The following POR variants were observed in gnomAD, a reference collection of about 807,000 sequenced individuals.
POR encodes the protein NADPH--cytochrome P450 reductase.
A neutral mutation model predicts 84.0 loss-of-function variants in POR; 56 were observed. The observed-to-expected ratio is 0.67, with a 90% CI of 0.54 to 0.83. POR has a LOEUF of 0.83. POR is among the 40% of genes least tolerant of loss of function. The pLI, the probability that POR is intolerant of heterozygous loss-of-function variation, is 0.00. For synonymous variants in POR, 414 were observed against 400.5 expected (o/e 1.03, Z -0.40); for missense variants, 938 against 944.3 (o/e 0.99, Z 0.09).
Position 75,954,439 on chromosome 7 carries a change from A to G in POR, c.188+259A>G, listed in dbSNP as rs185944177. Among the ~76,000 whole-genome samples, 1,131 of 152,310 alleles carry G rather than the reference A, an allele frequency of 7.4e-3. 47 individuals carry two copies. Among genetic ancestry groups the G allele is most frequent in the Admixed American group, 0.06 (919 of 15,284 alleles). On this transcript the variant is annotated intron_variant, in intron 2 of 15. Coordinates refer to ENST00000461988, the MANE Select transcript of POR (RefSeq NM_000941.3). Reference sequence around the variant, plus strand: ...CTGCGAAAATGACACCAGTTTACAGATTAAGAACCGGGGGCTCAAGAATGT... The same window carrying G: ...CTGCGAAAATGACACCAGTTTACAGGTTAAGAACCGGGGGCTCAAGAATGT...
At position 75,981,563 on chromosome 7, in the gene POR, G is replaced by T. The variant is rs369924019; in HGVS notation, c.688G>T (p.Val230Leu). 8 of 1,613,052 alleles carry T rather than the reference G, an allele frequency of 5.0e-6. No individual in the cohort carries two copies. The South Asian group carries it at 7.7e-5, about 16-fold the overall frequency. ...CTGGCGAGAGCAGTTCTGGCCGGCC[G>T]TGTGTGAACACTTTGGGGTGGAAGC... Residue 230 changes from valine to leucine, a missense_variant, in exon 7 of 16, where the codon GTG (valine) becomes TTG (leucine). By Grantham distance (32) the Val-to-Leu change is conservative (BLOSUM62 1). Transcript: ENST00000461988.
At chr7:75,929,820 G>A (rs782222511) in intron 1 of POR, among the ~76,000 whole-genome samples, 12 of 152,184 alleles carry the variant, frequency 7.9e-5, no homozygotes, top group South Asian at 4.1e-4. Flanking sequence ...CTGTGACTCC[G>A]TGGTCCTCTA....
At chr7:75,917,571 T>C (rs1283256969) in intron 1 of POR, among the ~76,000 whole-genome samples, 6 of 152,086 alleles carry the variant, frequency 3.9e-5, no homozygotes, top group African/African-American at 1.4e-4. Flanking sequence ...GATTTAACTT[T>C]CTGTTATATG....
rs782399043 is a variant in POR at position 75,984,746 on chromosome 7, A to G, written c.1067-31A>G. The stretch of plus-strand genomic sequence containing the variant: ...ACCCATCCCCAGGAGGCGGCCGCCT[A>G]CCCCAAGTCCTGCCTGTCTCTTCCC... On this transcript the variant is annotated intron_variant, in intron 10 of 15. Coordinates refer to ENST00000461988, the MANE Select transcript of POR (RefSeq NM_000941.3). 15 of 1,606,036 alleles carry G rather than the reference A, an allele frequency of 9.3e-6. No individual in the cohort carries two copies. In the South Asian group the frequency reaches 9.9e-5, roughly 11 times the overall value.
intron 1 of POR, among the ~76,000 whole-genome samples, chr7:75,940,258 T>G (rs1807910690): frequency 6.6e-6 from 1 of 151,170 alleles, no homozygotes; most frequent in African/African-American, 2.4e-5. Flanking sequence ...TAGTTATTTT[T>G]GTATTTTTAG....
intron 1 of POR, among the ~76,000 whole-genome samples, chr7:75,932,474 G>A (rs781853354): frequency 3.9e-5 from 6 of 152,158 alleles, no homozygotes; most frequent in African/African-American, 1.2e-4. Flanking sequence ...GTACCACTGC[G>A]CCTGGCCAGA....
chr7:75,934,941 A>G (rs978653470), intron 1 of POR, among the ~76,000 whole-genome samples: 16 of 152,268 alleles, frequency 1.1e-4, no homozygotes, highest in East Asian at 7.7e-4. Context: ...AACCTCTGGT[A>G]GGAGAGGAAT....
rs200575911 is a variant in POR at position 75,933,376 on chromosome 7, G to GTTTTTT, written c.-5+18222_-5+18227dup. ...TCACCATGTTATACAATAGGTCTTT[G>GTTTTTT]TTTTTTTTTTTTTTTTTTTTTTTTT... On this transcript the variant is annotated intron_variant, in intron 1 of 15. Coordinates refer to ENST00000461988, the MANE Select transcript of POR (RefSeq NM_000941.3). 6.3e-3 allele frequency among the ~76,000 whole-genome samples: 582 copies of GTTTTTT among 92,098 alleles called. 10 individuals are homozygous for GTTTTTT. Among genetic ancestry groups the GTTTTTT allele is most frequent in the Non-Finnish European group, 0.011 (448 of 40,456 alleles). 60.4% of individuals were successfully genotyped at this position (92,098 alleles called of 152,430 possible).
At chr7:75,918,908 G>A (rs1806712091) in intron 1 of POR, among the ~76,000 whole-genome samples, 1 of 151,566 alleles carries the variant, frequency 6.6e-6, no homozygotes, top group Non-Finnish European at 1.5e-5. Flanking sequence ...TCGCGTGGTG[G>A]CACTTGTCTG....
chr7:75,940,379 G>C (rs1360144984), intron 1 of POR, among the ~76,000 whole-genome samples: 1 of 151,962 alleles, frequency 6.6e-6, no homozygotes, highest in Non-Finnish European at 1.5e-5. Flanking sequence ...GAGCCGCTGT[G>C]CCTGGCTTAC....
intron 2 of POR, among the ~76,000 whole-genome samples, chr7:75,963,053 T>C (rs1001020737): frequency 2.3e-4 from 35 of 152,168 alleles, no homozygotes; most frequent in Non-Finnish European, 5.1e-4. Flanking sequence ...TGGGGCCTGT[T>C]CTTGACAGAA....
intron 1 of POR, among the ~76,000 whole-genome samples, chr7:75,926,234 C>A (rs187759178): frequency 6.6e-6 from 1 of 151,872 alleles, no homozygotes; most frequent in Non-Finnish European, 1.5e-5. Flanking sequence ...TGGGCTCAAA[C>A]GATCCTCCTG....
Position 75,981,122 on chromosome 7 carries a change from G to C in POR, c.591G>C (p.Gln197His). ...AGTACGTGGACAAGCGGCTGGAGCA[G>C]CTCGGCGCCCAGCGCATCTTTGAGC... The change falls in exon 6 of 16, where the codon CAG (glutamine) becomes CAC (histidine). Residue 197 changes from glutamine (Q) to histidine (H), a missense_variant. Coordinates refer to ENST00000461988, the MANE Select transcript of POR (RefSeq NM_000941.3). 6.4e-7 allele frequency: 1 copy of C among 1,560,484 alleles called. No individual in the cohort carries two copies. Among genetic ancestry groups the C allele is most frequent in the Non-Finnish European group, 8.7e-7 (1 of 1,153,244 alleles).
At chr7:75,945,005 C>T (rs73133934) in intron 1 of POR, among the ~76,000 whole-genome samples, 1,723 of 152,072 alleles carry the variant, frequency 0.011, 20 homozygotes, top group Middle Eastern at 0.051. Context: ...AAAATAATGG[C>T]GGCCGGGCAC....
At chr7:75,982,434 CG>C (rs1789113922) in intron 8 of POR, 112 bp downstream of exon 8, 1 of 902,014 alleles carries the variant, frequency 1.1e-6, no homozygotes, top group Non-Finnish European at 1.7e-6. Flanking sequence ...CACCAGACCC[CG>C]TGCCCCGAGT....
At chr7:75,956,353 A>G (rs1787684244) in intron 2 of POR, among the ~76,000 whole-genome samples, 1 of 152,192 alleles carries the variant, frequency 6.6e-6, no homozygotes, top group African/African-American at 2.4e-5. Context: ...TGACTCACTG[A>G]GCAAACATTT....
intron 1 of POR, among the ~76,000 whole-genome samples, chr7:75,922,576 G>T (rs1037732416): frequency 1.2e-4 from 19 of 152,004 alleles, no homozygotes; most frequent in Non-Finnish European, 2.4e-4. Context: ...TGCCCGCCTC[G>T]GCCTTCCGAA....
rs72555509 is a variant in POR, at chr7:75,981,512, C to G, written c.642-5C>G. 851 of 1,610,864 alleles carry G rather than the reference C, an allele frequency of 5.3e-4. 7 individuals are homozygous for G. In the Middle Eastern group the frequency reaches 0.017, roughly 33 times the overall value. On this transcript the variant is annotated splice_polypyrimidine_tract_variant and splice_region_variant and intron_variant, in intron 6 of 15. Transcript: ENST00000461988. Reference sequence around the variant, plus strand: ...GCCGCTCCCCCTCTCCTCTCCTCGGCCCAGCTTGGAGGAGGACTTCATCAC... The same window carrying G: ...GCCGCTCCCCCTCTCCTCTCCTCGGGCCAGCTTGGAGGAGGACTTCATCAC...
rs781991647 is a variant in POR, at chr7:75,923,129, G to A, written c.-5+7950G>A. On this transcript the variant is annotated intron_variant, in intron 1 of 15. Coordinates refer to ENST00000461988, the MANE Select transcript of POR (RefSeq NM_000941.3). ...AGTATGTAACCTTATGTGACCTGGGGATTTCCAAATCTGAAGTCTGTCCAG... is the reference window on the plus strand; with the variant it reads ...AGTATGTAACCTTATGTGACCTGGGAATTTCCAAATCTGAAGTCTGTCCAG... 1.3e-5 allele frequency: 12 copies of A among 935,204 alleles called. No individual in the cohort carries two copies. The African/African-American group carries it at 2.0e-4, about 15-fold the overall frequency. 57.9% of individuals were successfully genotyped at this position (935,204 alleles called of 1,614,324 possible).
Sources: allele counts gnomAD v4.1 joint callset (sites outside exome capture counted in the v4.1 genomes callset), GRCh38; gene constraint gnomAD v4.1.1; transcripts MANE v1.5; gene names NCBI Gene and HGNC (gene_info 2026-07-23, HGNC 2026-07-21).